Variants in AP3B1 observed in about 807,000 individuals in gnomAD.
The protein encoded by AP3B1 is adaptor related protein complex 3 subunit beta 1, also known as AP-3 complex subunit beta-1.
In AP3B1, 61 loss-of-function variants were observed where a neutral mutation model predicts 132.5. The observed-to-expected ratio is 0.46, with a 90% CI of 0.37 to 0.57. The LOEUF (loss-of-function observed/expected upper bound fraction) is 0.57. Ranked by LOEUF, AP3B1 falls within the 20% of genes least tolerant of loss-of-function variation. The pLI, the probability that AP3B1 is intolerant of heterozygous loss-of-function variation, is 0.00. For missense variants in AP3B1, 1,120 were observed against 1,289.4 expected, an observed-to-expected ratio of 0.87 and a Z score of 2.01; for synonymous variants, 388 against 438.3, an observed-to-expected ratio of 0.89 and a Z score of 1.43.
chr5:78,227,041 A>T (rs1215346721), intron 5 of AP3B1, among the ~76,000 whole-genome samples: 1 of 152,108 alleles, frequency 6.6e-6, no homozygotes. Context: ...AAAAAATCTC[A>T]ATTTTCTAAT....
chr5:78,281,041 C>A (rs1452701870), intron 1 of AP3B1, among the ~76,000 whole-genome samples: 1 of 151,998 alleles, frequency 6.6e-6, no homozygotes, highest in Non-Finnish European at 1.5e-5. Context: ...GAACCAGAAA[C>A]AGAAAAAAAG....
At chr5:78,145,511 T>C (rs1255038235) in intron 14 of AP3B1, among the ~76,000 whole-genome samples, 1 of 152,166 alleles carries the variant, frequency 6.6e-6, no homozygotes, top group Non-Finnish European at 1.5e-5. Flanking sequence ...AGCGACAAAA[T>C]GAGTGTGGTA....
chr5:78,259,728 G>T (rs1290228395), intron 2 of AP3B1, among the ~76,000 whole-genome samples: 1 of 152,162 alleles, frequency 6.6e-6, no homozygotes, highest in South Asian at 2.1e-4. Flanking sequence ...AGCACTTTGG[G>T]AGGCCAAGGT....
intron 21 of AP3B1, among the ~76,000 whole-genome samples, chr5:78,096,643 A>G (rs1750803473): frequency 2.8e-5 from 4 of 144,518 alleles, no homozygotes; most frequent in Admixed American, 1.4e-4. Context: ...GGATGTGAGG[A>G]GCGCCTCTGC....
intron 17 of AP3B1, among the ~76,000 whole-genome samples, chr5:78,124,482 G>A (rs1157203317): frequency 6.6e-5 from 10 of 152,202 alleles, no homozygotes; most frequent in Admixed American, 6.5e-4. Context: ...AGCTGAGGCA[G>A]GAGGATGGCT....
Position 78,228,187 on chromosome 5 carries a change from T to A in AP3B1, c.332A>T (p.Asp111Val). 6.2e-7 allele frequency: 1 copy of A among 1,612,226 alleles called. No individual in the cohort carries two copies. The highest frequency in any genetic ancestry group is 1.1e-5 in the South Asian group (1 of 90,818). The change falls in exon 4 of 27, where the codon GAT becomes GTT. Residue 111 changes from aspartate (D) to valine (V), a missense_variant. Transcript: ENST00000255194. ...AGTGCTTATGGACAGGAGTGCAAGA[T>A]CCTGCTGTTCTTCAGCATATCGAAC... is the stretch of plus-strand genomic sequence containing the variant. Reference protein sequence around the residue: ...YLVRYAEEQQDLALLSISTFQ... With the variant: ...YLVRYAEEQQVLALLSISTFQ...
At chr5:78,094,447 T>C (rs1206229169) in intron 21 of AP3B1, among the ~76,000 whole-genome samples, 5 of 152,132 alleles carry the variant, frequency 3.3e-5, no homozygotes, top group African/African-American at 4.8e-5. Flanking sequence ...ATTAAAAGCA[T>C]AGGACTAATA....
At chr5:78,020,637 A>G in intron 25 of AP3B1, 55 bp downstream of exon 25, 3 of 1,341,570 alleles carry the variant, frequency 2.2e-6, no homozygotes, top group Non-Finnish European at 3.2e-6. Flanking sequence ...CTGTACAGGA[A>G]TAAGCACATA....
At chr5:78,175,005 G>A (rs1252023617) in intron 11 of AP3B1, among the ~76,000 whole-genome samples, 1 of 152,258 alleles carries the variant, frequency 6.6e-6, no homozygotes, top group African/African-American at 2.4e-5. Flanking sequence ...GCAAGGCTCT[G>A]TGGGCGTTGG....
intron 26 of AP3B1, among the ~76,000 whole-genome samples, chr5:78,013,891 C>T (rs1220588521): frequency 2.0e-5 from 3 of 152,088 alleles, no homozygotes; most frequent in African/African-American, 4.8e-5. Flanking sequence ...ACACCGGGCG[C>T]GGTGGCTCAT....
chr5:78,016,190 A>G (rs903478254), intron 25 of AP3B1, among the ~76,000 whole-genome samples: 9 of 146,752 alleles, frequency 6.1e-5, no homozygotes, highest in African/African-American at 1.9e-4. Flanking sequence ...AAAACTTTGA[A>G]AATGAAAGAA....
chr5:78,204,747 A>G (rs1745434995), intron 7 of AP3B1, among the ~76,000 whole-genome samples: 1 of 152,216 alleles, frequency 6.6e-6, no homozygotes, highest in Non-Finnish European at 1.5e-5. Context: ...CTTTGCGAAC[A>G]GAATCTACTC....
chr5:78,017,929 C>T (rs970960158), intron 25 of AP3B1, among the ~76,000 whole-genome samples: 2 of 151,424 alleles, frequency 1.3e-5, no homozygotes, highest in Admixed American at 1.3e-4. Flanking sequence ...AAAGGCAAAC[C>T]AAATAACATA....
chr5:78,097,503 G>A (rs1208243572), intron 21 of AP3B1, among the ~76,000 whole-genome samples: 2 of 119,056 alleles, frequency 1.7e-5, no homozygotes, highest in African/African-American at 6.6e-5. Flanking sequence ...CGTCCGGGAG[G>A]GAGGTGGGGG....
chr5:78,280,528 G>A (rs1310042276), intron 1 of AP3B1, among the ~76,000 whole-genome samples: 1 of 152,108 alleles, frequency 6.6e-6, no homozygotes, highest in Non-Finnish European at 1.5e-5. Flanking sequence ...ACACAAACAT[G>A]CCAAAGAATC....
intron 26 of AP3B1, among the ~76,000 whole-genome samples, chr5:78,003,704 G>A (rs1746277857): frequency 6.6e-6 from 1 of 152,108 alleles, no homozygotes; most frequent in Admixed American, 6.5e-5. Flanking sequence ...CTTTCTTTCT[G>A]TAGAGTGTAA....
intron 22 of AP3B1, among the ~76,000 whole-genome samples, chr5:78,086,472 C>T (rs1265399272): frequency 6.6e-6 from 1 of 152,168 alleles, no homozygotes; most frequent in Non-Finnish European, 1.5e-5. Flanking sequence ...GGGAGGTAAA[C>T]TGGCTTGCCC....
chr5:78,256,172 G>A (rs928668697), intron 2 of AP3B1, among the ~76,000 whole-genome samples: 3 of 151,260 alleles, frequency 2.0e-5, no homozygotes, highest in African/African-American at 7.3e-5. Context: ...AAATAATAGA[G>A]ACCAGAGAAG....
intron 1 of AP3B1, among the ~76,000 whole-genome samples, chr5:78,281,772 A>G (rs1749067755): frequency 6.6e-6 from 1 of 152,138 alleles, no homozygotes; most frequent in South Asian, 2.1e-4. Flanking sequence ...TAATGGGTGC[A>G]GAGTTTCAGT....
Sources: gnomAD v4.1 joint callset for allele counts (sites outside exome capture counted in the v4.1 genomes callset) on GRCh38, gnomAD v4.1.1 for gene constraint, MANE v1.5 for transcripts, NCBI Gene and HGNC (gene_info 2026-07-23, HGNC 2026-07-21) for gene names.